CRADD: variants seen among roughly 807,000 people sequenced by gnomAD.
The protein encoded by CRADD is death domain-containing protein CRADD.
Under a neutral mutation model 15.5 loss-of-function variants are expected in CRADD, and 9 were observed. The observed-to-expected ratio is 0.58, with a 90% confidence interval of 0.35 to 1.01. The LOEUF (loss-of-function observed/expected upper bound fraction) is 1.01. Ranked by LOEUF, CRADD falls within the 50% of genes least tolerant of loss-of-function variation. The pLI is 0.02. For synonymous variants in CRADD, 118 were observed against 107.6 expected, an observed-to-expected ratio of 1.10 and a Z score of -0.60; for missense variants, 227 against 250.3, an observed-to-expected ratio of 0.91 and a Z score of 0.63.
chr12:93,718,153 G>T (rs1213977271), intron 2 of CRADD, among the ~76,000 whole-genome samples: 1 of 152,116 alleles, frequency 6.6e-6, no homozygotes, highest in Non-Finnish European at 1.5e-5. Context: ...TGGCTGTTCT[G>T]GGTCTTTTGC....
At chr12:93,752,153 C>T (rs185430863) in intron 2 of CRADD, among the ~76,000 whole-genome samples, 6 of 152,362 alleles carry the variant, frequency 3.9e-5, no homozygotes, top group Admixed American at 1.3e-4. Flanking sequence ...ACTTCATTCC[C>T]GCTGGGACCT....
intron 2 of CRADD, among the ~76,000 whole-genome samples, chr12:93,681,700 C>T (rs1162388102): frequency 6.6e-6 from 1 of 152,148 alleles, no homozygotes; most frequent in African/African-American, 2.4e-5. Flanking sequence ...ACCCCGGGCA[C>T]TCCTTCCCAA....
chr12:93,713,954 AGGTGGAAGGAACT>A (rs1956118786), intron 2 of CRADD, among the ~76,000 whole-genome samples: 1 of 152,194 alleles, frequency 6.6e-6, no homozygotes, highest in Admixed American at 6.5e-5. Context: ...TCAGGAGGAA[AGGTGGAAGGAACT>A]GGTGGATATC....
At chr12:93,680,350 A>G (rs985568509) in intron 2 of CRADD, among the ~76,000 whole-genome samples, 1 of 152,240 alleles carries the variant, frequency 6.6e-6, no homozygotes, top group Admixed American at 6.5e-5. Context: ...CTGGTTAAAA[A>G]AAATGAATAC....
At chr12:93,861,286 T>A (rs902316423) in intron 2 of CRADD, among the ~76,000 whole-genome samples, 2 of 152,224 alleles carry the variant, frequency 1.3e-5, no homozygotes, top group Admixed American at 6.5e-5. Context: ...TTCAAAGGAT[T>A]ACCCTAGCTT....
chr12:93,726,373 G>A (rs1484454613), intron 2 of CRADD, among the ~76,000 whole-genome samples: 1 of 151,886 alleles, frequency 6.6e-6, no homozygotes, highest in African/African-American at 2.4e-5. Context: ...CAAAGTGCTG[G>A]GATTATAGGC....
intron 2 of CRADD, among the ~76,000 whole-genome samples, chr12:93,781,888 C>A (rs1957214469): frequency 6.6e-6 from 1 of 152,166 alleles, no homozygotes; most frequent in Non-Finnish European, 1.5e-5. Context: ...AGATGGGGAA[C>A]TGTTAAGTAC....
At chr12:93,847,876 A>G (rs993739058) in intron 2 of CRADD, among the ~76,000 whole-genome samples, 6 of 152,212 alleles carry the variant, frequency 3.9e-5, no homozygotes, top group African/African-American at 9.7e-5. Flanking sequence ...GTGTGTGTGT[A>G]TGTTTTCAAG....
intron 2 of CRADD, among the ~76,000 whole-genome samples, chr12:93,753,279 G>T (rs1956849876): frequency 6.6e-6 from 1 of 152,138 alleles, no homozygotes; most frequent in Non-Finnish European, 1.5e-5. Flanking sequence ...ACCTCCCACT[G>T]GGTCCCTCCC....
At chr12:93,762,186 A>C (rs992311583) in intron 2 of CRADD, among the ~76,000 whole-genome samples, 9 of 152,202 alleles carry the variant, frequency 5.9e-5, no homozygotes, top group African/African-American at 2.2e-4. Context: ...GATAGCTTCT[A>C]AATAAAGAAA....
rs115875541 is a variant in CRADD, at chr12:93,807,903, G to T, written c.299-42067G>T. ...CCTGGGGATCTTACATTCTAACTGG[G>T]TGAGAAGGGGTCTGACAGGCAATAA... On this transcript the variant is annotated intron_variant, in intron 2 of 2. Coordinates refer to ENST00000332896, the MANE Select transcript of CRADD (RefSeq NM_003805.5). 1.9e-3 allele frequency among the ~76,000 whole-genome samples: 281 copies of T among 145,958 alleles called. 1 individual carries two copies. Among genetic ancestry groups the T allele is most frequent in the African/African-American group, 6.9e-3 (274 of 39,726 alleles).
chr12:93,823,439 C>G (rs11831280), intron 2 of CRADD, among the ~76,000 whole-genome samples: 8,470 of 152,218 alleles, frequency 0.056, 805 homozygotes, highest in African/African-American at 0.19. Context: ...AGCTCCATCC[C>G]CTTTCACTTC....
chr12:93,690,303 T>G (rs1458549324), intron 2 of CRADD, among the ~76,000 whole-genome samples: 1 of 152,208 alleles, frequency 6.6e-6, no homozygotes, highest in Non-Finnish European at 1.5e-5. Context: ...TGTGCCATCC[T>G]TCTTCTTTTT....
intron 2 of CRADD, among the ~76,000 whole-genome samples, chr12:93,715,315 T>A (rs1956142933): frequency 6.6e-6 from 1 of 152,220 alleles, no homozygotes; most frequent in African/African-American, 2.4e-5. Flanking sequence ...GCAAATGATA[T>A]GTCCATAACA....
At chr12:93,859,051 C>A (rs2137057646) in intron 2 of CRADD, among the ~76,000 whole-genome samples, 1 of 152,294 alleles carries the variant, frequency 6.6e-6, no homozygotes, top group Middle Eastern at 3.4e-3. Context: ...AAACTATGAT[C>A]AAATAGGCTG....
chr12:93,720,257 T>G (rs1035837106), intron 2 of CRADD, among the ~76,000 whole-genome samples: 1 of 152,234 alleles, frequency 6.6e-6, no homozygotes, highest in Non-Finnish European at 1.5e-5. Context: ...TTGTTATTAA[T>G]TTTTTATTTA....
intron 2 of CRADD, among the ~76,000 whole-genome samples, chr12:93,710,725 G>C (rs1652161708): frequency 6.6e-6 from 1 of 152,112 alleles, no homozygotes; most frequent in Non-Finnish European, 1.5e-5. Context: ...TGAGTCACAA[G>C]GCCAGCCCAA....
intron 2 of CRADD, among the ~76,000 whole-genome samples, chr12:93,679,743 G>C (rs1269253255): frequency 6.6e-6 from 1 of 152,218 alleles, no homozygotes; most frequent in African/African-American, 2.4e-5. Flanking sequence ...GGAAAGTGCA[G>C]ATGGGAAAGC....
rs182434653 is a variant in CRADD at position 93,695,468 on chromosome 12, A to T, written c.298+16396A>T. Among the ~76,000 whole-genome samples the T allele has an allele frequency of 1.1e-4, 16 of 152,344 alleles. No homozygotes were observed. In the East Asian group the frequency reaches 2.9e-3, roughly 28 times the overall value. On this transcript the variant is annotated intron_variant, in intron 2 of 2. Coordinates refer to ENST00000332896, the MANE Select transcript of CRADD (RefSeq NM_003805.5). The stretch of plus-strand genomic sequence containing the variant: ...ACAATAGACAAATGGGATAAACAAA[A>T]GCTTCTGCACAGGAAACAACAGAGT...
Sources: gnomAD v4.1 joint callset for allele counts (sites outside exome capture counted in the v4.1 genomes callset) on GRCh38, gnomAD v4.1.1 for gene constraint, MANE v1.5 for transcripts, NCBI Gene and HGNC (gene_info 2026-07-23, HGNC 2026-07-21) for gene names.